NUP93: variants seen among roughly 807,000 people sequenced by gnomAD.
NUP93 encodes the protein nucleoporin 93.
NUP93 carries 55 observed loss-of-function variants against 107.8 expected under a neutral mutation model. The observed-to-expected ratio is 0.51, with a 90% confidence interval of 0.41 to 0.64. The LOEUF is 0.64. Ranked by LOEUF, NUP93 falls within the 30% of genes least tolerant of loss-of-function variation. NUP93 has a pLI of 0.00. For synonymous variants in NUP93, 390 were observed against 397.5 expected (o/e 0.98, Z 0.22); for missense variants, 937 against 1,044.7 (o/e 0.90, Z 1.42).
chr16:56,821,014 A>G (rs1052410868), intron 6 of NUP93, among the ~76,000 whole-genome samples: 4 of 152,216 alleles, frequency 2.6e-5, no homozygotes, highest in Admixed American at 6.5e-5. Context: ...CCTGAAGAAC[A>G]GAGATTCTTT....
intron 3 of NUP93, among the ~76,000 whole-genome samples, chr16:56,789,043 G>T (rs1308906962): frequency 6.6e-6 from 1 of 152,080 alleles, no homozygotes; most frequent in African/African-American, 2.4e-5. Context: ...TTGGGAGGTG[G>T]AGGGGTGGTA....
Position 56,834,150 on chromosome 16 carries a change from T to C in NUP93, c.1560T>C (p.Pro520=), listed in dbSNP as rs772275014. 6 of 1,614,030 alleles carry C rather than the reference T, an allele frequency of 3.7e-6. No individual in the cohort carries two copies. The African/African-American group carries it at 8.0e-5, about 22-fold the overall frequency. The change falls in exon 14 of 22, where the codon CCT becomes CCC. Residue 520 remains proline, a synonymous_variant. Transcript: ENST00000308159. ...AQLLSHEPGD[P]PCLRRLNFVR... is the part of the protein sequence containing the mutation. The stretch of plus-strand genomic sequence containing the variant: ...CAGTCAGCCACGAGCCTGGTGACCC[T>C]CCTTGCTTGCGGCGGCTGAACTTCG...
At chr16:56,808,271 CTA>C (rs1321323859) in intron 5 of NUP93, among the ~76,000 whole-genome samples, 1 of 31,174 alleles carries the variant, frequency 3.2e-5, no homozygotes. Flanking sequence ...AGTTATGTAA[CTA>C]TATAAAATAT....
chr16:56,765,071 A>G (rs189007242), intron 3 of NUP93, among the ~76,000 whole-genome samples: 1 of 152,320 alleles, frequency 6.6e-6, no homozygotes, highest in Admixed American at 6.5e-5. Flanking sequence ...GAACATCCCT[A>G]TCTTCCATCT....
chr16:56,778,203 C>T (rs1280834839), intron 3 of NUP93, among the ~76,000 whole-genome samples: 1 of 152,204 alleles, frequency 6.6e-6, no homozygotes, highest in Non-Finnish European at 1.5e-5. Context: ...TTGGGAAAGA[C>T]TCCCTGGAGC....
rs1286659422 is a variant in NUP93 at position 56,836,597 on chromosome 16, T to C, written c.1783-4T>C. The C allele has an allele frequency of 4.4e-6, 7 of 1,582,372 alleles. No homozygotes were observed. In the African/African-American group the frequency reaches 8.1e-5, roughly 18 times the overall value. ...TCCTCCCCCTCCATAATTTGTCTTG[T>C]CAGCCTGGAGTCATAGATAAGTTTA... On this transcript the variant is annotated splice_polypyrimidine_tract_variant and splice_region_variant and intron_variant, in intron 16 of 21. Coordinates refer to ENST00000308159, the MANE Select transcript of NUP93 (RefSeq NM_014669.5).
chr16:56,833,441 C>T, intron 13 of NUP93, 35 bp downstream of exon 13: 1 of 1,470,806 alleles, frequency 6.8e-7, no homozygotes, highest in Non-Finnish European at 9.0e-7. Flanking sequence ...AGTAATGTAA[C>T]CACAGCACGT....
chr16:56,777,622 A>G (rs1298182214), intron 3 of NUP93, among the ~76,000 whole-genome samples: 2 of 152,254 alleles, frequency 1.3e-5, no homozygotes, highest in African/African-American at 4.8e-5. Flanking sequence ...TAGTAAGGAC[A>G]GATGAGCTGT....
chr16:56,778,157 G>A (rs1962449133), intron 3 of NUP93, among the ~76,000 whole-genome samples: 1 of 152,210 alleles, frequency 6.6e-6, no homozygotes, highest in Non-Finnish European at 1.5e-5. Context: ...ATTCAGAGGC[G>A]TGGAAGCGGT....
In NUP93 at chr16:56,841,833, T is replaced by G. The variant is rs1487432093; in HGVS notation, c.2349T>G (p.Ser783=). ...AGCGAGTCATCGAGGACCGCGACTC[T>G]GTAAGATCCCAGCATTCGCGAGAAA... The part of the protein sequence containing the change: ...RPQRVIEDRD[S]QLRSQARTLI... Residue 783 remains serine (S), a splice_region_variant and synonymous_variant, in exon 21 of 22, where the codon TCT becomes TCG. Transcript: ENST00000308159. 1.9e-6 allele frequency: 3 copies of G among 1,613,728 alleles called. No individual in the cohort carries two copies. The highest frequency in any genetic ancestry group is 1.7e-6 in the Non-Finnish European group (2 of 1,179,852).
rs1207071944 is a variant in NUP93, at chr16:56,846,577, G to T, written c.*1968G>T. 1.3e-5 allele frequency: 2 copies of T among 152,188 alleles called. No homozygotes were observed. The highest frequency in any genetic ancestry group is 2.9e-5 in the Non-Finnish European group (2 of 68,106). The allele number at this position is 152,188 out of a possible 1,614,324, so 9.4% of individuals were successfully genotyped here. The stretch of plus-strand genomic sequence containing the variant: ...ATACAAAAATCAGCTGGGCATGGTG[G>T]CAGGCGCCTGTAATCCCAGCTACTC... On this transcript the variant is annotated 3_prime_UTR_variant, in exon 22 of 22. Coordinates refer to ENST00000308159, the MANE Select transcript of NUP93 (RefSeq NM_014669.5).
In NUP93 at chr16:56,849,797, G is replaced by C. The variant is rs8045306; in HGVS notation, c.*5188G>C. 0.42 allele frequency: 64,040 copies of C among 152,030 alleles called. 13,673 individuals are homozygous for C. The highest frequency in any genetic ancestry group is 0.62 in the East Asian group (3,183 of 5,172). 9.4% of individuals were successfully genotyped at this position (152,030 alleles called of 1,614,324 possible). A position where few individuals can be genotyped will look rare whatever the true frequency, so the allele number is the denominator to read the frequency against. On this transcript the variant is annotated 3_prime_UTR_variant, in exon 22 of 22. Transcript: ENST00000308159. ...TCAGGCCTGCCACGGGCTGCCGGGA[G>C]CTCTCTAGTGGAATTGGATTACCCT... is the stretch of plus-strand genomic sequence containing the variant.
intron 1 of NUP93, among the ~76,000 whole-genome samples, chr16:56,733,873 G>C (rs185423497): frequency 6.6e-6 from 1 of 152,198 alleles, no homozygotes; most frequent in African/African-American, 2.4e-5. Flanking sequence ...TCCTCAAACA[G>C]CTAGATCCCC....
chr16:56,837,398 A>T (rs567278835), intron 17 of NUP93, among the ~76,000 whole-genome samples: 1 of 152,214 alleles, frequency 6.6e-6, no homozygotes, highest in Non-Finnish European at 1.5e-5. Flanking sequence ...CCCCGTCTCT[A>T]CTAAAAATAT....
rs1256292132 is a variant in NUP93 at position 56,808,180 on chromosome 16, A to T, written c.489+2548A>T. ...ATATATAGTTATATAACTATATAAA[A>T]TATATAGTTATATAACTATATAAAA... On this transcript the variant is annotated intron_variant, in intron 5 of 21. Coordinates refer to ENST00000308159, the MANE Select transcript of NUP93 (RefSeq NM_014669.5). 2.7e-4 allele frequency among the ~76,000 whole-genome samples: 32 copies of T among 118,074 alleles called. No homozygotes were observed. The South Asian group carries it at 3.7e-3, about 14-fold the overall frequency. 77.5% of individuals were successfully genotyped at this position (118,074 alleles called of 152,430 possible). A position where few individuals can be genotyped will look rare whatever the true frequency, so the allele number is the denominator to read the frequency against.
intron 8 of NUP93, among the ~76,000 whole-genome samples, chr16:56,827,044 CAAAAAA>C (rs1188027635): frequency 0.21 from 11,046 of 53,742 alleles, 700 homozygotes; most frequent in Middle Eastern, 0.29. Context: ...GACTCCGTCT[CAAAAAA>C]AAAAAAAAAA....
intron 5 of NUP93, among the ~76,000 whole-genome samples, chr16:56,815,869 C>CTGCTGT (rs1963411674): frequency 7.2e-6 from 1 of 139,608 alleles, no homozygotes. Flanking sequence ...ACTGCTACTG[C>CTGCTGT]TGCTGCTGCT....
chr16:56,833,259 C>T lies in NUP93; in HGVS notation c.1390C>T (p.Gln464Ter). 1 of 1,606,782 alleles carries T rather than the reference C, an allele frequency of 6.2e-7. No individual in the cohort carries two copies. Among genetic ancestry groups the T allele is most frequent in the Non-Finnish European group, 8.5e-7 (1 of 1,177,710 alleles). ...TVNQQPFLYFQVLFLTAQFEA... is the reference protein window; with the variant it reads ...TVNQQPFLYF The stretch of plus-strand genomic sequence containing the variant: ...GAACCAGCAACCCTTCCTCTACTTC[C>T]AAGTCCTGTTCCTGACAGCGCAGTT... The change falls in exon 13 of 22, where the codon CAA becomes TAA. Residue 464 changes from glutamine to a stop codon, truncating the protein, a stop_gained. Coordinates refer to ENST00000308159, the MANE Select transcript of NUP93 (RefSeq NM_014669.5). LOFTEE classifies it high-confidence loss of function.
chr16:56,799,261 C>CA (rs1276245851), intron 4 of NUP93, among the ~76,000 whole-genome samples: 4 of 151,332 alleles, frequency 2.6e-5, no homozygotes, highest in African/African-American at 7.3e-5. Context: ...TCTCCAAGCT[C>CA]AAAAAAAATA....
Sources: gnomAD v4.1 joint callset for allele counts (sites outside exome capture counted in the v4.1 genomes callset) on GRCh38, gnomAD v4.1.1 for gene constraint, MANE v1.5 for transcripts, NCBI Gene and HGNC (gene_info 2026-07-23, HGNC 2026-07-21) for gene names.